HMGA2: variants seen among roughly 807,000 people sequenced by gnomAD.
HMGA2 encodes the protein high mobility group protein HMGI-C.
Under a neutral mutation model 19.1 loss-of-function variants are expected in HMGA2, and 8 were observed. That is an observed-to-expected ratio of 0.42 (90% CI 0.25 to 0.76). The LOEUF (loss-of-function observed/expected upper bound fraction) is 0.76. Ranked by LOEUF, HMGA2 falls within the 30% of genes least tolerant of loss-of-function variation. The pLI, the probability that HMGA2 is intolerant of heterozygous loss-of-function variation, is 0.28. For synonymous variants in HMGA2, 60 were observed against 48.8 expected, an observed-to-expected ratio of 1.23 and a Z score of -0.96; for missense variants, 109 against 136.3, an observed-to-expected ratio of 0.80 and a Z score of 1.00.
intron 3 of HMGA2, among the ~76,000 whole-genome samples, chr12:65,891,592 C>T (rs761979254): frequency 6.6e-6 from 1 of 152,114 alleles, no homozygotes. Flanking sequence ...ATGCACAGTG[C>T]TGGTTAAGAG....
At chr12:65,889,891 C>T (rs149010680) in intron 3 of HMGA2, among the ~76,000 whole-genome samples, 3 of 152,274 alleles carry the variant, frequency 2.0e-5, no homozygotes, top group South Asian at 4.1e-4. Context: ...CCTATTTCTC[C>T]CTACATCCTA....
At chr12:65,838,470 T>G in intron 2 of HMGA2, 49 bp from the exon 3 acceptor site, 1 of 1,415,508 alleles carries the variant, frequency 7.1e-7, no homozygotes, top group Middle Eastern at 1.8e-4. Flanking sequence ...GCAGTACTTA[T>G]AAACAATGTC....
At chr12:65,915,431 A>G (rs1875063898) in intron 3 of HMGA2, 35 of 1,266,918 alleles carry the variant, frequency 2.8e-5, no homozygotes, top group Non-Finnish European at 3.5e-5. Context: ...GGGTGGGCTG[A>G]ACTCCAGTTA....
In HMGA2 at chr12:65,923,118, G is replaced by A. The variant is rs529825653; in HGVS notation, c.250-28265G>A. On this transcript the variant is annotated intron_variant, in intron 3 of 4. Transcript: ENST00000403681. The stretch of plus-strand genomic sequence containing the variant: ...TTCCCTAGTTTCTTCAATTGGAAAC[G>A]AGGGGAAGCTGCTCATCCCCACCAA... Among the ~76,000 whole-genome samples the A allele has an allele frequency of 9.9e-5, 15 of 152,162 alleles. 1 individual carries two copies. In the South Asian group the frequency reaches 2.9e-3, roughly 30 times the overall value.
intron 3 of HMGA2, among the ~76,000 whole-genome samples, chr12:65,848,080 A>G (rs962597367): frequency 2.6e-5 from 4 of 152,190 alleles, no homozygotes; most frequent in Non-Finnish European, 2.9e-5. Flanking sequence ...AGCCACTATC[A>G]CCCAGGCCCA....
intron 3 of HMGA2, among the ~76,000 whole-genome samples, chr12:65,922,222 C>T (rs1875340575): frequency 6.6e-6 from 1 of 152,118 alleles, no homozygotes; most frequent in Admixed American, 6.5e-5. Flanking sequence ...TGACAGCTTT[C>T]ACTATGTGTC....
chr12:65,893,662 G>A (rs1874010689), intron 3 of HMGA2, among the ~76,000 whole-genome samples: 1 of 152,200 alleles, frequency 6.6e-6, no homozygotes, highest in Non-Finnish European at 1.5e-5. Flanking sequence ...GCATTTCAGG[G>A]GGTGAATGGC....
intron 3 of HMGA2, among the ~76,000 whole-genome samples, chr12:65,933,190 A>T (rs1875776643): frequency 6.6e-6 from 1 of 152,126 alleles, no homozygotes; most frequent in African/African-American, 2.4e-5. Flanking sequence ...GAGGTAGACT[A>T]GCATAGGTTT....
intron 1 of HMGA2, among the ~76,000 whole-genome samples, chr12:65,827,714 C>T (rs1870277634): frequency 6.6e-6 from 1 of 152,210 alleles, no homozygotes; most frequent in East Asian, 1.9e-4. Flanking sequence ...AAGTATATGA[C>T]TTTCTTTCTA....
At chr12:65,844,932 A>T (rs181641677) in intron 3 of HMGA2, among the ~76,000 whole-genome samples, 3 of 152,362 alleles carry the variant, frequency 2.0e-5, no homozygotes, top group Admixed American at 2.0e-4. Flanking sequence ...AGTCCTGGCC[A>T]AGACAGTAAT....
intron 3 of HMGA2, among the ~76,000 whole-genome samples, chr12:65,951,034 A>G (rs1876439640): frequency 1.3e-5 from 2 of 151,876 alleles, no homozygotes; most frequent in Admixed American, 6.6e-5. Context: ...GGCCCAGGTG[A>G]TCCTTCCATT....
At chr12:65,933,963 C>T (rs1875806478) in intron 3 of HMGA2, among the ~76,000 whole-genome samples, 1 of 152,130 alleles carries the variant, frequency 6.6e-6, no homozygotes, top group African/African-American at 2.4e-5. Flanking sequence ...TATGAGTTCT[C>T]AGAAAAAGCC....
At chr12:65,923,444 C>T (rs1448061359) in intron 3 of HMGA2, among the ~76,000 whole-genome samples, 1 of 152,214 alleles carries the variant, frequency 6.6e-6, no homozygotes, top group Non-Finnish European at 1.5e-5. Context: ...CCCTGTGTTA[C>T]ATTCAGACTA....
At chr12:65,836,816 T>C (rs939029846) in intron 2 of HMGA2, among the ~76,000 whole-genome samples, 1 of 152,242 alleles carries the variant, frequency 6.6e-6, no homozygotes, top group African/African-American at 2.4e-5. Context: ...GATGGTTAGA[T>C]AGAACCCCTA....
intron 3 of HMGA2, among the ~76,000 whole-genome samples, chr12:65,911,185 T>G (rs1874828762): frequency 6.6e-6 from 1 of 152,212 alleles, no homozygotes; most frequent in African/African-American, 2.4e-5. Context: ...TTTGATGACT[T>G]ACATTAGCAT....
rs1451750811 is a variant in HMGA2 at position 65,862,327 on chromosome 12, A to G, written c.249+23758A>G. Among the ~76,000 whole-genome samples, 9 of 151,902 alleles carry G rather than the reference A, an allele frequency of 5.9e-5. No individual in the cohort carries two copies. The East Asian group carries it at 1.7e-3, about 29-fold the overall frequency. On this transcript the variant is annotated intron_variant, in intron 3 of 4. Transcript: ENST00000403681. The stretch of plus-strand genomic sequence containing the variant: ...CACACATTCCATAACTTCAAACAAC[A>G]GAAAATGGGATTCTGTCTGTCTCTG...
intron 3 of HMGA2, among the ~76,000 whole-genome samples, chr12:65,928,267 A>T (rs1474263781): frequency 1.3e-5 from 2 of 152,186 alleles, no homozygotes; most frequent in Non-Finnish European, 2.9e-5. Context: ...CTAAACATAG[A>T]AAAGGTACAG....
In HMGA2 at chr12:65,963,473, A is replaced by T; in HGVS notation, c.*181A>T. The T allele has an allele frequency of 1.6e-6, 1 of 611,530 alleles. No individual in the cohort carries two copies. The highest frequency in any genetic ancestry group is 2.9e-6 in the Non-Finnish European group (1 of 345,538). The allele number at this position is 611,530 out of a possible 1,614,324, so 37.9% of individuals were successfully genotyped here. On this transcript the variant is annotated 3_prime_UTR_variant, in exon 5 of 5. Transcript: ENST00000403681. ...AAATCACATAACCTTAAAAAGGACTATATTAATCACCTTCTTTGTAATCCC... is the reference window on the plus strand; with the variant it reads ...AAATCACATAACCTTAAAAAGGACTTTATTAATCACCTTCTTTGTAATCCC...
chr12:65,906,845 A>G (rs564704329), intron 3 of HMGA2, among the ~76,000 whole-genome samples: 1 of 152,326 alleles, frequency 6.6e-6, no homozygotes, highest in African/African-American at 2.4e-5. Flanking sequence ...GGCAGAAACC[A>G]TGCTTATAAG....
Sources: allele counts gnomAD v4.1 joint callset (sites outside exome capture counted in the v4.1 genomes callset), GRCh38; gene constraint gnomAD v4.1.1; transcripts MANE v1.5; gene names NCBI Gene and HGNC (gene_info 2026-07-23, HGNC 2026-07-21).